Variants in TESPA1 observed in about 807,000 individuals in gnomAD.
TESPA1 encodes the protein protein TESPA1.
A neutral mutation model predicts 57.9 loss-of-function variants in TESPA1; 33 were observed. That is an observed-to-expected ratio of 0.57 (90% CI 0.43 to 0.76). The LOEUF is 0.76. Ranked by LOEUF, TESPA1 falls within the 30% of genes least tolerant of loss-of-function variation. TESPA1 has a pLI of 0.00. For synonymous variants in TESPA1, 227 were observed against 228.9 expected (o/e 0.99, Z 0.07); for missense variants, 618 against 632.9 (o/e 0.98, Z 0.25).
chr12:54,976,420 C>G (rs922944598), intron 1 of TESPA1, among the ~76,000 whole-genome samples: 2 of 152,124 alleles, frequency 1.3e-5, no homozygotes, highest in African/African-American at 2.4e-5. Flanking sequence ...ATGGACCTCC[C>G]CTAGATCACT....
Position 54,962,837 on chromosome 12 carries a change from G to A in TESPA1, c.1061C>T (p.Pro354Leu), listed in dbSNP as rs1448168742. 1.2e-6 allele frequency: 2 copies of A among 1,613,726 alleles called. No individual in the cohort carries two copies. Among genetic ancestry groups the A allele is most frequent in the Non-Finnish European group, 1.7e-6 (2 of 1,179,776 alleles). ...PVPPAEGKKL[P>L]TSPYPCVFCC... ...GAAGACACATGGATAGGGAGAAGTGGGCAACTTCTTACCCTCAGCAGGGGG... is the reference window on the plus strand; with the variant it reads ...GAAGACACATGGATAGGGAGAAGTGAGCAACTTCTTACCCTCAGCAGGGGG... The change falls in exon 9 of 11, where the codon CCC becomes CTC. Residue 354 changes from proline (P) to leucine (L), a missense_variant. Transcript: ENST00000449076.
At chr12:54,954,826 A>G (rs1456853911) in intron 10 of TESPA1, among the ~76,000 whole-genome samples, 3 of 152,200 alleles carry the variant, frequency 2.0e-5, no homozygotes, top group Non-Finnish European at 4.4e-5. Flanking sequence ...TTCTTTATCT[A>G]TTCATCCACT....
chr12:54,970,444 C>T (rs1951760539), intron 3 of TESPA1, among the ~76,000 whole-genome samples: 1 of 152,160 alleles, frequency 6.6e-6, no homozygotes, highest in Non-Finnish European at 1.5e-5. Flanking sequence ...GCTTATCCTA[C>T]ATTTCTCTTC....
chr12:54,961,280 T>A lies in TESPA1; in HGVS notation c.1468-13A>T. On this transcript the variant is annotated splice_polypyrimidine_tract_variant and intron_variant, in intron 9 of 10. Transcript: ENST00000449076. ...TGTTGCTTTGCACCTGTAACCAAGA[T>A]CCCACAGAACTCAGCCAGAGCCAAG... 6.2e-7 allele frequency: 1 copy of A among 1,613,632 alleles called. No homozygotes were observed.
intron 3 of TESPA1, 134 bp downstream of exon 3, chr12:54,973,343 A>G (rs1951957637): frequency 6.2e-6 from 8 of 1,299,016 alleles, no homozygotes; most frequent in Middle Eastern, 1.9e-4. Context: ...CCCTCCAACC[A>G]CCATCTCAAC....
At chr12:54,953,227 C>T (rs12231357) in intron 10 of TESPA1, among the ~76,000 whole-genome samples, 31,181 of 152,058 alleles carry the variant, frequency 0.21, 5,437 homozygotes, top group East Asian at 0.84. Flanking sequence ...TTAGACTAAA[C>T]CAAAACACTT....
rs772643563 is a variant in TESPA1 at position 54,961,230 on chromosome 12, C to T, written c.1505G>A (p.Arg502His). 1.4e-5 allele frequency: 22 copies of T among 1,613,806 alleles called. No individual in the cohort carries two copies. The highest frequency in any genetic ancestry group is 1.6e-4 in the Middle Eastern group (1 of 6,084). Residue 502 changes from arginine to histidine, a missense_variant, in exon 10 of 11, where the codon CGC becomes CAC. Coordinates refer to ENST00000449076, the MANE Select transcript of TESPA1 (RefSeq NM_001136030.3). ...SNSEEEQSQS[R>H]WPSRPRHPHH... ...GGGGTGCCTGGGTCTGCTGGGCCAG[C>T]GACTCTGACTCTGCTCCTCCTCACT...
Position 54,962,434 on chromosome 12 carries a change from C to G in TESPA1, c.1464G>C (p.Glu488Asp), listed in dbSNP as rs367594523. The change falls in exon 9 of 11, where the codon GAG becomes GAC. Residue 488 changes from glutamate to aspartate, a missense_variant. Physicochemically the swap from Glu to Asp is conservative, Grantham distance 45. Transcript: ENST00000449076. ...CCCTCACCTCCAACCCACTTACCTC[C>G]TCCAAGTCAAAAGTGTCCTGTGGCT... ...SQQPQDTFDL[E>D]EVQSNSEEEQ... 1 of 1,609,728 alleles carries G rather than the reference C, an allele frequency of 6.2e-7. No homozygotes were observed. The highest frequency in any genetic ancestry group is 1.3e-5 in the African/African-American group (1 of 74,816).
intron 1 of TESPA1, among the ~76,000 whole-genome samples, chr12:54,977,329 A>T (rs1007490440): frequency 6.6e-6 from 1 of 152,150 alleles, no homozygotes. Flanking sequence ...TCAGAGACAC[A>T]TGCAGGGAGA....
chr12:54,983,903 CATCT>C (rs976728227), intron 1 of TESPA1: 10 of 152,204 alleles, frequency 6.6e-5, no homozygotes, highest in African/African-American at 2.4e-5. Flanking sequence ...GCAACACATC[CATCT>C]ATCTATCTTT....
chr12:54,950,579 A>C (rs1950320089), intron 10 of TESPA1, among the ~76,000 whole-genome samples, 189 bp from the exon 11 acceptor site: 2 of 152,128 alleles, frequency 1.3e-5, no homozygotes, highest in South Asian at 4.1e-4. Flanking sequence ...TCATGAGGTG[A>C]GATTCCTGCA....
At chr12:54,968,079 G>A in intron 3 of TESPA1, 187 bp from the exon 4 acceptor site, 1 of 1,441,436 alleles carries the variant, frequency 6.9e-7, no homozygotes, top group East Asian at 2.6e-5. Context: ...AAGTAGTTGG[G>A]GAAACTGGGG....
intron 7 of TESPA1, among the ~76,000 whole-genome samples, chr12:54,964,605 T>G (rs553955796): frequency 6.6e-6 from 1 of 152,344 alleles, no homozygotes; most frequent in East Asian, 1.9e-4. Context: ...GCTTAGTAAT[T>G]GTGTTTCAGA....
At chr12:54,972,406 T>A (rs1292669485) in intron 3 of TESPA1, among the ~76,000 whole-genome samples, 2 of 152,218 alleles carry the variant, frequency 1.3e-5, no homozygotes, top group East Asian at 3.9e-4. Context: ...CAAGAGTAGT[T>A]AATGAGATAA....
rs1367877733 is a variant in TESPA1, at chr12:54,950,303, A to G, written c.*89T>C. On this transcript the variant is annotated 3_prime_UTR_variant, in exon 11 of 11. Coordinates refer to ENST00000449076, the MANE Select transcript of TESPA1 (RefSeq NM_001136030.3). ...GGAGTAGGGGCTGGATGTTGAGGGC[A>G]GTGCAGTTTCCTGCAAGAGGTGGCT... 2.2e-6 allele frequency: 1 copy of G among 456,984 alleles called. No individual in the cohort carries two copies. The highest frequency in any genetic ancestry group is 4.4e-6 in the Non-Finnish European group (1 of 226,978). The allele number at this position is 456,984 out of a possible 1,614,324, so 28.3% of individuals were successfully genotyped here. A position where few individuals can be genotyped will look rare whatever the true frequency, so the allele number is the denominator to read the frequency against.
chr12:54,972,198 T>C (rs1951872773), intron 3 of TESPA1, among the ~76,000 whole-genome samples: 1 of 152,246 alleles, frequency 6.6e-6, no homozygotes, highest in Admixed American at 6.5e-5. Flanking sequence ...GGTTTATCTT[T>C]GTAGAGCATG....
chr12:54,968,404 G>A (rs1951586986), intron 3 of TESPA1, among the ~76,000 whole-genome samples: 1 of 152,158 alleles, frequency 6.6e-6, no homozygotes, highest in Admixed American at 6.5e-5. Context: ...ATCCTGGTTA[G>A]AGATATTTTA....
intron 1 of TESPA1, among the ~76,000 whole-genome samples, chr12:54,975,950 G>A (rs1053770940): frequency 6.6e-6 from 1 of 152,044 alleles, no homozygotes; most frequent in African/African-American, 2.4e-5. Context: ...TTCACTTCAG[G>A]TCCAGTCCAA....
intron 1 of TESPA1, among the ~76,000 whole-genome samples, chr12:54,983,200 G>GGGT (rs1470495774): frequency 6.6e-6 from 1 of 152,156 alleles, no homozygotes; most frequent in Non-Finnish European, 1.5e-5. Context: ...CTGAATCGCA[G>GGGT]GGTTCCATCT....
Sources: allele counts gnomAD v4.1 joint callset (sites outside exome capture counted in the v4.1 genomes callset), GRCh38; gene constraint gnomAD v4.1.1; transcripts MANE v1.5; gene names NCBI Gene and HGNC (gene_info 2026-07-23, HGNC 2026-07-21).